The following GPC5 variants were observed in gnomAD, a reference collection of about 807,000 sequenced individuals.
GPC5 encodes the protein glypican 5, also known as glypican-5.
Under a neutral mutation model 53.9 loss-of-function variants are expected in GPC5, and 47 were observed. The ratio of observed to expected loss-of-function variants is 0.87; its 90% confidence interval spans 0.69 to 1.11. The LOEUF is 1.11. GPC5 is among the 50% of genes most tolerant of loss of function. The pLI is 0.00. For synonymous variants in GPC5, 286 were observed against 263.3 expected (o/e 1.09, Z -0.84); for missense variants, 748 against 713.1 (o/e 1.05, Z -0.56).
chr13:91,513,468 C>A (rs575402944), intron 2 of GPC5, among the ~76,000 whole-genome samples: 1 of 151,980 alleles, frequency 6.6e-6, no homozygotes, highest in Non-Finnish European at 1.5e-5. Context: ...GGGCTGGGCG[C>A]GGTGGCTCAT....
chr13:91,561,184 T>A (rs891605673), intron 2 of GPC5, among the ~76,000 whole-genome samples: 1 of 145,606 alleles, frequency 6.9e-6, no homozygotes, highest in African/African-American at 2.7e-5. Flanking sequence ...GCTTAGTGGT[T>A]CCATGGACCC....
At position 91,542,910 on chromosome 13, in the gene GPC5, G is replaced by T. The variant is rs547733648; in HGVS notation, c.325+93988G>T. Among the ~76,000 whole-genome samples the T allele has an allele frequency of 5.6e-5, 8 of 141,990 alleles. No homozygotes were observed. The East Asian group carries it at 1.7e-3, about 30-fold the overall frequency. 93.2% of individuals were successfully genotyped at this position (141,990 alleles called of 152,430 possible). A position where few individuals can be genotyped will look rare whatever the true frequency, so the allele number is the denominator to read the frequency against. On this transcript the variant is annotated intron_variant, in intron 2 of 7. Coordinates refer to ENST00000377067, the MANE Select transcript of GPC5 (RefSeq NM_004466.6). ...CTTGCTCTGTCGCCCAGGCTGGAGT[G>T]CAGTGCCGCGATCTCAGCTCACTGC...
chr13:92,054,150 GT>G (rs1394508664), intron 6 of GPC5, among the ~76,000 whole-genome samples: 16 of 19,258 alleles, frequency 8.3e-4, no homozygotes, highest in African/African-American at 1.4e-3. Context: ...CTTTGGAGGG[GT>G]GTGTGTGTGT....
At chr13:91,731,800 T>C (rs1392824903) in intron 4 of GPC5, among the ~76,000 whole-genome samples, 1 of 152,128 alleles carries the variant, frequency 6.6e-6, no homozygotes, top group African/African-American at 2.4e-5. Flanking sequence ...TCTGTTCCTG[T>C]GTTAGTTTGC....
At chr13:92,361,947 G>A (rs559948976) in intron 7 of GPC5, among the ~76,000 whole-genome samples, 31 of 151,460 alleles carry the variant, frequency 2.0e-4, no homozygotes, top group Admixed American at 1.6e-3. Flanking sequence ...AGACACCCAG[G>A]TTTAAATTCA....
At chr13:92,421,415 T>C (rs1208668851) in intron 7 of GPC5, among the ~76,000 whole-genome samples, 2 of 151,894 alleles carry the variant, frequency 1.3e-5, no homozygotes, top group African/African-American at 4.8e-5. Flanking sequence ...AGAAAAGAGG[T>C]TTGGCCGGGC....
intron 7 of GPC5, among the ~76,000 whole-genome samples, chr13:92,332,339 C>G (rs1434652363): frequency 6.6e-6 from 1 of 152,092 alleles, no homozygotes; most frequent in Non-Finnish European, 1.5e-5. Context: ...TTTCTGTTCT[C>G]TGTTTTTTAC....
chr13:91,744,982 C>T (rs2037016451), intron 4 of GPC5, among the ~76,000 whole-genome samples: 1 of 152,052 alleles, frequency 6.6e-6, no homozygotes, highest in Non-Finnish European at 1.5e-5. Flanking sequence ...AAGAGGTAGA[C>T]ACTGTATCAC....
intron 7 of GPC5, among the ~76,000 whole-genome samples, chr13:92,268,208 G>A (rs888038714): frequency 4.0e-5 from 6 of 151,694 alleles, no homozygotes; most frequent in South Asian, 4.2e-4. Flanking sequence ...TTAATTACTC[G>A]ATTTCACTCA....
rs866567136 is a variant in GPC5, at chr13:92,758,032, C to T, written c.1562-108250C>T. On this transcript the variant is annotated intron_variant, in intron 7 of 7. Coordinates refer to ENST00000377067, the MANE Select transcript of GPC5 (RefSeq NM_004466.6). ...ATGCTGCTATAAAGACACATGCACACGTATGTTTATTGTGGCACTATTCAC... is the reference window on the plus strand; with the variant it reads ...ATGCTGCTATAAAGACACATGCACATGTATGTTTATTGTGGCACTATTCAC... Among the ~76,000 whole-genome samples, 329 of 150,724 alleles carry T rather than the reference C, an allele frequency of 2.2e-3. 4 individuals are homozygous for T. In the Middle Eastern group the frequency reaches 0.031, roughly 14 times the overall value.
intron 7 of GPC5, among the ~76,000 whole-genome samples, chr13:92,500,992 A>G (rs1319856027): frequency 1.3e-5 from 2 of 152,088 alleles, no homozygotes; most frequent in Non-Finnish European, 2.9e-5. Context: ...CTATAAAACA[A>G]AAGTGGAGAT....
chr13:92,766,823 T>G (rs1304406141), intron 7 of GPC5, among the ~76,000 whole-genome samples: 1 of 152,248 alleles, frequency 6.6e-6, no homozygotes, highest in Non-Finnish European at 1.5e-5. Flanking sequence ...TTCAATTTCT[T>G]TATACATTCA....
chr13:92,830,392 G>C (rs1048645008), intron 7 of GPC5, among the ~76,000 whole-genome samples: 39 of 151,484 alleles, frequency 2.6e-4, no homozygotes, highest in Middle Eastern at 3.4e-3. Flanking sequence ...TCAGGGGCTT[G>C]GTTCACATGA....
At chr13:92,557,099 G>GAA (rs376552438) in intron 7 of GPC5, among the ~76,000 whole-genome samples, 1 of 144,366 alleles carries the variant, frequency 6.9e-6, no homozygotes, top group Non-Finnish European at 1.5e-5. Flanking sequence ...ATCTCTGAGA[G>GAA]AAAAAAAAAA....
At chr13:92,708,857 CTTTTTTTTTTTTTTTTTTTTTTTTTTTT>C (rs752130758) in intron 7 of GPC5, among the ~76,000 whole-genome samples, 6 of 48,144 alleles carry the variant, frequency 1.2e-4, no homozygotes, top group African/African-American at 3.8e-4. Context: ...TGGAAACCGC[CTTTTTTTTTTTTTTTTTTTTTTTTTTTT>C]TTTTTTTTTT....
intron 7 of GPC5, among the ~76,000 whole-genome samples, chr13:92,321,669 C>G (rs985494350): frequency 7.9e-5 from 12 of 152,048 alleles, no homozygotes; most frequent in African/African-American, 2.7e-4. Flanking sequence ...TTAGTCAAAT[C>G]AAATTATTGA....
At position 92,385,519 on chromosome 13, in the gene GPC5, CATATGCATATATACAT is replaced by C. The variant is rs1195779406; in HGVS notation, c.1561+240566_1561+240581del. Among the ~76,000 whole-genome samples, 24 of 74,154 alleles carry C rather than the reference CATATGCATATATACAT, an allele frequency of 3.2e-4. 1 individual carries two copies. Among genetic ancestry groups the C allele is most frequent in the East Asian group, 2.7e-3 (6 of 2,220 alleles). 48.6% of individuals were successfully genotyped at this position (74,154 alleles called of 152,430 possible). A position where few individuals can be genotyped will look rare whatever the true frequency, so the allele number is the denominator to read the frequency against. On this transcript the variant is annotated intron_variant, in intron 7 of 7. Coordinates refer to ENST00000377067, the MANE Select transcript of GPC5 (RefSeq NM_004466.6). ...ATACATACATATACATATATACATA[CATATGCATATATACAT>C]ATATGCATATATACATATATGCATA... is the stretch of plus-strand genomic sequence containing the variant.
intron 7 of GPC5, among the ~76,000 whole-genome samples, chr13:92,357,875 G>GA (rs935461286): frequency 1.3e-5 from 1 of 77,372 alleles, no homozygotes; most frequent in African/African-American, 5.6e-5. Flanking sequence ...CATGAGATAT[G>GA]GGGGGGGACA....
chr13:92,349,567 C>T (rs923350989), intron 7 of GPC5, among the ~76,000 whole-genome samples: 1 of 151,112 alleles, frequency 6.6e-6, no homozygotes, highest in African/African-American at 2.4e-5. Flanking sequence ...AAATCAGAGA[C>T]ATTAGAACTG....
Sources: gnomAD v4.1 joint callset for allele counts (sites outside exome capture counted in the v4.1 genomes callset) on GRCh38, gnomAD v4.1.1 for gene constraint, MANE v1.5 for transcripts, NCBI Gene and HGNC (gene_info 2026-07-23, HGNC 2026-07-21) for gene names.